The following TMEM51 variants were observed in gnomAD, a reference collection of about 807,000 sequenced individuals.
TMEM51 encodes the protein transmembrane protein 51, also known as chromosome 1 open reading frame 72.
A neutral mutation model predicts 13.6 loss-of-function variants in TMEM51; 8 were observed. That is an observed-to-expected ratio of 0.59 (90% CI 0.35 to 1.07). The LOEUF (loss-of-function observed/expected upper bound fraction) is 1.07. Among genes scored for constraint, TMEM51 ranks in the 50% least tolerant of loss-of-function variants. The probability of loss-of-function intolerance (pLI) is 0.02; values close to 1 mark genes in which losing one functional copy is unlikely to be tolerated. For missense variants in TMEM51, 279 were observed against 330.7 expected (o/e 0.84, Z 1.21); for synonymous variants, 147 against 144.4 (o/e 1.02, Z -0.13).
intron 2 of TMEM51, among the ~76,000 whole-genome samples, chr1:15,212,657 C>G (rs574995760): frequency 6.6e-6 from 1 of 152,326 alleles, no homozygotes; most frequent in African/African-American, 2.4e-5. Context: ...GCCAGAGCCC[C>G]CATCCTTCCT....
intron 2 of TMEM51, among the ~76,000 whole-genome samples, chr1:15,211,371 GA>G (rs1440393110): frequency 6.6e-6 from 1 of 152,110 alleles, no homozygotes; most frequent in Non-Finnish European, 1.5e-5. Context: ...CTGTCCCCAA[GA>G]AACAATTTTT....
chr1:15,198,925 G>A (rs1644101620), intron 1 of TMEM51, among the ~76,000 whole-genome samples: 1 of 152,142 alleles, frequency 6.6e-6, no homozygotes, highest in African/African-American at 2.4e-5. Flanking sequence ...CCCCGTTTCC[G>A]GCCCTTAGCT....
Position 15,220,046 on chromosome 1 carries a change from TCTC to T in TMEM51, c.*306_*308del. ...TCACTCCGAATCGCTGGCGACACAT[TCTC>T]CTTTCCAGCTAGGAAAGGGTTCCTC... is the stretch of plus-strand genomic sequence containing the variant. On this transcript the variant is annotated 3_prime_UTR_variant, in exon 4 of 4. Transcript: ENST00000376008. The T allele has an allele frequency of 2.7e-6, 1 of 367,386 alleles. No homozygotes were observed. Among genetic ancestry groups the T allele is most frequent in the Admixed American group, 4.2e-5 (1 of 23,838 alleles). The allele number at this position is 367,386 out of a possible 1,614,324, so 22.8% of individuals were successfully genotyped here.
At chr1:15,208,903 G>A (rs537260864) in intron 1 of TMEM51, among the ~76,000 whole-genome samples, 129 of 152,136 alleles carry the variant, frequency 8.5e-4, no homozygotes, top group Non-Finnish European at 1.3e-3. Flanking sequence ...TGGGCTTTTG[G>A]ACATTCTTGT....
At chr1:15,210,177 G>A (rs373160266) in intron 1 of TMEM51, among the ~76,000 whole-genome samples, 1 of 152,112 alleles carries the variant, frequency 6.6e-6, no homozygotes, top group African/African-American at 2.4e-5. Context: ...TGGTGTCAAG[G>A]TATATACATT....
At chr1:15,163,605 G>A (rs893118764) in intron 1 of TMEM51, among the ~76,000 whole-genome samples, 2 of 137,512 alleles carry the variant, frequency 1.5e-5, no homozygotes, top group Non-Finnish European at 3.4e-5. Flanking sequence ...CAGTTAATGA[G>A]TATAAGGAGT....
At chr1:15,160,738 TTC>T (rs1471018542) in intron 1 of TMEM51, among the ~76,000 whole-genome samples, 1 of 151,458 alleles carries the variant, frequency 6.6e-6, no homozygotes, top group African/African-American at 2.4e-5. Context: ...CAGATGCAAA[TTC>T]TCTTCTTTTG....
chr1:15,156,923 C>A (rs1051237813), intron 1 of TMEM51, among the ~76,000 whole-genome samples: 1 of 152,152 alleles, frequency 6.6e-6, no homozygotes, highest in Non-Finnish European at 1.5e-5. Flanking sequence ...GTCTTTCAAG[C>A]GGCTTCATAG....
At chr1:15,183,707 A>G (rs1079314) in intron 1 of TMEM51, among the ~76,000 whole-genome samples, 56,278 of 152,110 alleles carry the variant, frequency 0.37, 11,020 homozygotes, top group East Asian at 0.61. Flanking sequence ...TGGGCTATGG[A>G]CATAGAAACA....
chr1:15,215,261 C>T lies in TMEM51; in HGVS notation c.174C>T (p.Leu58=). ...AGACCGAGGTGGGTGGCGGCATCCTCAAGAGCAAGACCTTCTCTGTGGCCT... is the reference window on the plus strand; with the variant it reads ...AGACCGAGGTGGGTGGCGGCATCCTTAAGAGCAAGACCTTCTCTGTGGCCT... ...SNKTEVGGGI[L]KSKTFSVAYV... The change falls in exon 3 of 4, where the codon CTC becomes CTT. Residue 58 remains leucine, a synonymous_variant. Transcript: ENST00000376008. 1 of 1,614,240 alleles carries T rather than the reference C, an allele frequency of 6.2e-7. No homozygotes were observed.
intron 1 of TMEM51, among the ~76,000 whole-genome samples, chr1:15,179,105 G>A (rs1412955920): frequency 6.6e-6 from 1 of 151,888 alleles, no homozygotes; most frequent in East Asian, 1.9e-4. Flanking sequence ...TCTGGACATG[G>A]GGCTTAAAAG....
At chr1:15,167,326 CAAAAAAAAAAA>C (rs555274126) in intron 1 of TMEM51, among the ~76,000 whole-genome samples, 1,011 of 69,422 alleles carry the variant, frequency 0.015, 22 homozygotes, top group African/African-American at 0.048. Context: ...GACTCCATCT[CAAAAAAAAAAA>C]AAAAAAAAAA....
At chr1:15,192,236 G>A (rs1381074440) in intron 1 of TMEM51, 5 of 334,816 alleles carry the variant, frequency 1.5e-5, no homozygotes, top group Admixed American at 3.5e-5. Context: ...AGAAAATCTG[G>A]TGGTCTTTCA....
chr1:15,181,709 T>G (rs1461731499), intron 1 of TMEM51, among the ~76,000 whole-genome samples: 1 of 152,226 alleles, frequency 6.6e-6, no homozygotes, highest in Non-Finnish European at 1.5e-5. Flanking sequence ...TTTTGTATGC[T>G]TGCTTTAGTG....
chr1:15,197,275 C>CA (rs759095221), intron 1 of TMEM51, among the ~76,000 whole-genome samples: 1 of 152,180 alleles, frequency 6.6e-6, no homozygotes, highest in Non-Finnish European at 1.5e-5. Context: ...GAGCCAGAAT[C>CA]AAAGTCATAT....
chr1:15,187,800 C>G (rs1643828297), intron 1 of TMEM51, among the ~76,000 whole-genome samples: 1 of 152,158 alleles, frequency 6.6e-6, no homozygotes, highest in South Asian at 2.1e-4. Context: ...ACAGCCCTCT[C>G]TCAGTGAGTG....
intron 1 of TMEM51, among the ~76,000 whole-genome samples, chr1:15,177,463 G>A (rs541254503): frequency 6.6e-5 from 10 of 152,262 alleles, no homozygotes; most frequent in Admixed American, 4.6e-4. Context: ...TGGGCAGGGA[G>A]TGGAAGATGC....
chr1:15,185,657 T>C (rs1413333806), intron 1 of TMEM51, among the ~76,000 whole-genome samples: 2 of 152,254 alleles, frequency 1.3e-5, no homozygotes, highest in East Asian at 3.8e-4. Context: ...CTTAGCCTTG[T>C]ACTTCCAGAG....
intron 1 of TMEM51, chr1:15,168,892 G>A: frequency 8.7e-7 from 1 of 1,151,152 alleles, no homozygotes; most frequent in Non-Finnish European, 1.1e-6. Flanking sequence ...AATATCTGGA[G>A]TTGGAGTGGG....
Sources: allele counts gnomAD v4.1 joint callset (sites outside exome capture counted in the v4.1 genomes callset), GRCh38; gene constraint gnomAD v4.1.1; transcripts MANE v1.5; gene names NCBI Gene and HGNC (gene_info 2026-07-23, HGNC 2026-07-21).